Variants in TAPT1 observed in about 807,000 individuals in gnomAD.
TAPT1 encodes the protein transmembrane anterior posterior transformation protein 1 homolog.
A neutral mutation model predicts 65.6 loss-of-function variants in TAPT1; 28 were observed. The ratio of observed to expected loss-of-function variants is 0.43; its 90% CI spans 0.32 to 0.59. The LOEUF is 0.59. Ranked by LOEUF, TAPT1 falls within the 20% of genes least tolerant of loss-of-function variation. TAPT1 has a pLI of 0.09. For missense variants in TAPT1, 563 were observed against 679.9 expected (o/e 0.83, Z 1.91); for synonymous variants, 278 against 245.2 (o/e 1.13, Z -1.25).
At chr4:16,206,452 G>A (rs1750350122) in intron 2 of TAPT1, among the ~76,000 whole-genome samples, 1 of 152,200 alleles carries the variant, frequency 6.6e-6, no homozygotes, top group Non-Finnish European at 1.5e-5. Flanking sequence ...AGACAGGGCT[G>A]TGGTGCTCCT....
chr4:16,217,023 T>C (rs1443845746), intron 1 of TAPT1, among the ~76,000 whole-genome samples: 1 of 152,208 alleles, frequency 6.6e-6, no homozygotes, highest in Non-Finnish European at 1.5e-5. Flanking sequence ...ATACTACTTT[T>C]CATTTCTCCC....
chr4:16,216,169 AG>A (rs1221740306), intron 1 of TAPT1: 1 of 152,182 alleles, frequency 6.6e-6, no homozygotes, highest in African/African-American at 2.4e-5. Context: ...AACCTGATTC[AG>A]TGGTGCTCTT....
chr4:16,162,912 T>C lies in TAPT1; in HGVS notation c.*396A>G, dbSNP rs1278876327. 2.3e-6 allele frequency: 1 copy of C among 432,422 alleles called. No individual in the cohort carries two copies. Among genetic ancestry groups the C allele is most frequent in the East Asian group, 7.2e-5 (1 of 13,878 alleles). 26.8% of individuals were successfully genotyped at this position (432,422 alleles called of 1,614,324 possible). A position where few individuals can be genotyped will look rare whatever the true frequency, so the allele number is the denominator to read the frequency against. On this transcript the variant is annotated 3_prime_UTR_variant, in exon 14 of 14. Transcript: ENST00000405303. Reference sequence around the variant, plus strand: ...ATAGTATGAGACTGGAAAGATTACGTCGTGGTAAAAGTTTCACAGTTTTCC... The same window carrying C: ...ATAGTATGAGACTGGAAAGATTACGCCGTGGTAAAAGTTTCACAGTTTTCC...
intron 1 of TAPT1, among the ~76,000 whole-genome samples, chr4:16,221,046 T>C (rs1751224381): frequency 6.6e-6 from 1 of 151,932 alleles, no homozygotes; most frequent in South Asian, 2.1e-4. Context: ...CAACTGTGAA[T>C]ATGTAATATG....
Position 16,169,442 on chromosome 4 carries a change from T to C in TAPT1, c.1313+1211A>G, listed in dbSNP as rs187248749. On this transcript the variant is annotated intron_variant, in intron 12 of 13. Transcript: ENST00000405303. ...TAAACACAGCACAATGTTAAAAACA[T>C]TGAGGGGCGGTGTGAGAATCTACAT... Among the ~76,000 whole-genome samples the C allele has an allele frequency of 3.3e-4, 51 of 152,374 alleles. No individual in the cohort carries two copies. The East Asian group carries it at 8.5e-3, about 25-fold the overall frequency.
intron 10 of TAPT1, 192 bp downstream of exon 10, chr4:16,174,478 A>G: frequency 1.5e-6 from 1 of 672,532 alleles, no homozygotes; most frequent in South Asian, 2.1e-5. Flanking sequence ...TGCAAAGAGC[A>G]TATACTACTT....
intron 13 of TAPT1, 69 bp from the exon 14 acceptor site, chr4:16,163,606 C>T: frequency 7.7e-7 from 1 of 1,293,814 alleles, no homozygotes; most frequent in Non-Finnish European, 1.1e-6. Flanking sequence ...ACAAACTTAC[C>T]AATACAGTGG....
intron 12 of TAPT1, 55 bp downstream of exon 12, chr4:16,170,598 A>G (rs1211416161): frequency 5.3e-6 from 7 of 1,330,264 alleles, no homozygotes; most frequent in Non-Finnish European, 7.5e-6. Flanking sequence ...CTTCCATTAC[A>G]TCTTGCATTT....
chr4:16,169,311 G>A (rs1747839895), intron 12 of TAPT1, among the ~76,000 whole-genome samples: 1 of 152,184 alleles, frequency 6.6e-6, no homozygotes, highest in Non-Finnish European at 1.5e-5. Flanking sequence ...AAGGTTTTCA[G>A]ATGTAGCATA....
intron 3 of TAPT1, chr4:16,196,743 GAA>G (rs1229978265): frequency 8.5e-5 from 107 of 1,253,128 alleles, no homozygotes; most frequent in Non-Finnish European, 1.1e-4. Context: ...GAGAGAGAAA[GAA>G]AGAGAGAAGA....
intron 1 of TAPT1, chr4:16,214,448 T>C (rs896964254): frequency 1.3e-5 from 2 of 152,214 alleles, no homozygotes; most frequent in Non-Finnish European, 2.9e-5. Flanking sequence ...ACAATAGTTA[T>C]TACGCGAAGT....
chr4:16,168,034 A>G (rs1560149577), intron 12 of TAPT1, among the ~76,000 whole-genome samples: 1 of 152,248 alleles, frequency 6.6e-6, no homozygotes, highest in Non-Finnish European at 1.5e-5. Flanking sequence ...AAGGCATTCA[A>G]TACAAATCTG....
chr4:16,226,657 G>A (rs1451460923), upstream of TAPT1: 3 of 181,700 alleles, frequency 1.7e-5, no homozygotes, highest in Non-Finnish European at 3.1e-5. Flanking sequence ...CGCCACGGTA[G>A]CCGCCATCTT....
At chr4:16,213,175 G>A (rs973956017) in intron 2 of TAPT1, among the ~76,000 whole-genome samples, 1 of 152,220 alleles carries the variant, frequency 6.6e-6, no homozygotes, top group South Asian at 2.1e-4. Context: ...TCGCCTAGGG[G>A]AGAAGGGGCT....
chr4:16,221,962 A>G (rs1410858924), intron 1 of TAPT1, among the ~76,000 whole-genome samples: 1 of 152,234 alleles, frequency 6.6e-6, no homozygotes, highest in African/African-American at 2.4e-5. Context: ...AGTTTTTAAG[A>G]TGTTTGAAAA....
rs1045743474 is a variant in TAPT1, at chr4:16,162,311, C to T, written c.*997G>A. The T allele has an allele frequency of 3.3e-5, 5 of 153,022 alleles. No individual in the cohort carries two copies. The highest frequency in any genetic ancestry group is 1.2e-4 in the African/African-American group (5 of 41,418). 9.5% of individuals were successfully genotyped at this position (153,022 alleles called of 1,614,324 possible). A position where few individuals can be genotyped will look rare whatever the true frequency, so the allele number is the denominator to read the frequency against. Reference sequence around the variant, plus strand: ...CCAGCACAGGCACACTCGCTGTCGACCCAAACACAAAGACTAATGCATTTG... The same window carrying T: ...CCAGCACAGGCACACTCGCTGTCGATCCAAACACAAAGACTAATGCATTTG... On this transcript the variant is annotated 3_prime_UTR_variant, in exon 14 of 14. Coordinates refer to ENST00000405303, the MANE Select transcript of TAPT1 (RefSeq NM_153365.3).
At chr4:16,201,197 A>G (rs1480069233) in intron 3 of TAPT1, among the ~76,000 whole-genome samples, 1 of 152,128 alleles carries the variant, frequency 6.6e-6, no homozygotes, top group Admixed American at 6.5e-5. Flanking sequence ...ATCAAAACTG[A>G]TTGTCTTATT....
intron 1 of TAPT1, chr4:16,225,885 T>C (rs890776755): frequency 2.0e-6 from 2 of 985,730 alleles, no homozygotes; most frequent in Middle Eastern, 5.2e-4. Flanking sequence ...TTGGCATGAA[T>C]ATAATTAAGA....
rs766816141 is a variant in TAPT1, at chr4:16,160,929, A to G, written c.*2379T>C. 1 of 152,620 alleles carries G rather than the reference A, an allele frequency of 6.6e-6. No homozygotes were observed. Among genetic ancestry groups the G allele is most frequent in the Non-Finnish European group, 1.5e-5 (1 of 68,028 alleles). The allele number at this position is 152,620 out of a possible 1,614,324, so 9.5% of individuals were successfully genotyped here. On this transcript the variant is annotated 3_prime_UTR_variant, in exon 14 of 14. Transcript: ENST00000405303. ...CGTATCAGTGACACTTGGTCTTTAC[A>G]CTTATTCTAAAGGAAAACCTAATAA...
Sources: gnomAD v4.1 joint callset for allele counts (sites outside exome capture counted in the v4.1 genomes callset) on GRCh38, gnomAD v4.1.1 for gene constraint, MANE v1.5 for transcripts, NCBI Gene and HGNC (gene_info 2026-07-23, HGNC 2026-07-21) for gene names.